Variants in NFASC observed in about 807,000 individuals in gnomAD.
The protein encoded by NFASC is neurofascin homolog.
A neutral mutation model predicts 147.5 loss-of-function variants in NFASC; 43 were observed. The ratio of observed to expected loss-of-function variants is 0.29; its 90% CI spans 0.23 to 0.38. NFASC has a LOEUF of 0.38. NFASC is among the 10% of genes least tolerant of loss of function. The probability of loss-of-function intolerance (pLI) is 1.00; values close to 1 mark genes in which losing one functional copy is unlikely to be tolerated. For synonymous variants in NFASC, 622 were observed against 665.5 expected (o/e 0.93, Z 1.01); for missense variants, 1,320 against 1,689.0 (o/e 0.78, Z 3.83).
chr1:204,955,104 A>G (rs2094365177), intron 7 of NFASC, among the ~76,000 whole-genome samples, 153 bp downstream of exon 7: 1 of 152,224 alleles, frequency 6.6e-6, no homozygotes, highest in African/African-American at 2.4e-5. Flanking sequence ...CAGGCTCTGC[A>G]GAGAGAGGCT....
intron 1 of NFASC, among the ~76,000 whole-genome samples, chr1:204,909,901 T>C (rs2086934189): frequency 6.6e-6 from 1 of 152,100 alleles, no homozygotes; most frequent in Non-Finnish European, 1.5e-5. Context: ...TATGTGTGTT[T>C]CTATTTTGGG....
chr1:204,974,939 T>G, intron 14 of NFASC, 116 bp downstream of exon 14: 1 of 1,126,596 alleles, frequency 8.9e-7, no homozygotes, highest in Admixed American at 2.0e-5. Flanking sequence ...TAACCTGGAG[T>G]GGGCTGCCCA....
Position 204,975,396 on chromosome 1 carries a change from G to C in NFASC, c.1684G>C (p.Glu562Gln). The change falls in exon 15 of 30, where the codon GAG becomes CAG. Residue 562 changes from glutamate (E) to glutamine (Q), a missense_variant. By Grantham distance (29) the Glu-to-Gln change is conservative. Coordinates refer to ENST00000339876, the MANE Select transcript of NFASC (RefSeq NM_001005388.3). This position sits in a 1 kb window ranked among gnomAD's most constrained non-coding sequence, Gnocchi z 4.0. Reference sequence around the variant, plus strand: ...CACCGTCTCCTGGCTGAAGGATGACGAGCCGCTCTATATTGGAAACAGGTT... The same window carrying C: ...CACCGTCTCCTGGCTGAAGGATGACCAGCCGCTCTATATTGGAAACAGGTT... ...KLTVSWLKDD[E>Q]PLYIGNRMKK... 6.2e-7 allele frequency: 1 copy of C among 1,614,026 alleles called. No individual in the cohort carries two copies. The highest frequency in any genetic ancestry group is 8.5e-7 in the Non-Finnish European group (1 of 1,179,916).
intron 1 of NFASC, among the ~76,000 whole-genome samples, chr1:204,879,454 G>A (rs1398069936): frequency 6.6e-6 from 1 of 152,196 alleles, no homozygotes; most frequent in African/African-American, 2.4e-5. Flanking sequence ...TGGAACCCAT[G>A]GACTTTGCTT....
At chr1:204,896,936 G>T (rs1002378821) in intron 1 of NFASC, among the ~76,000 whole-genome samples, 2 of 152,128 alleles carry the variant, frequency 1.3e-5, no homozygotes, top group Non-Finnish European at 2.9e-5. Flanking sequence ...GCTCAAGTCT[G>T]GCAGGAATTA....
chr1:205,000,947 G>A, intron 25 of NFASC: 1 of 580,700 alleles, frequency 1.7e-6, no homozygotes, highest in Non-Finnish European at 3.1e-6. Flanking sequence ...TCCCTGGACA[G>A]CGACCTCTGG....
intron 21 of NFASC, chr1:204,984,382 C>CATATAT (rs55787898): frequency 0.022 from 2,963 of 134,080 alleles, 50 homozygotes; most frequent in African/African-American, 0.04. Context: ...TATATATACG[C>CATATAT]ATATATATAT....
chr1:204,910,299 G>A (rs1301250223), intron 1 of NFASC, among the ~76,000 whole-genome samples: 2 of 151,886 alleles, frequency 1.3e-5, no homozygotes, highest in Admixed American at 6.6e-5. Context: ...TGCATGTTTT[G>A]TTCATTCTAT....
chr1:204,867,007 G>T (rs2077160407), intron 1 of NFASC, among the ~76,000 whole-genome samples: 1 of 152,088 alleles, frequency 6.6e-6, no homozygotes, highest in South Asian at 2.1e-4. Context: ...CTCCAGAGAT[G>T]GAGTAAAGGA....
At position 204,979,998 on chromosome 1, in the gene NFASC, A is replaced by C. The variant is rs1025032972; in HGVS notation, c.2177-372A>C. 7.3e-5 allele frequency among the ~76,000 whole-genome samples: 11 copies of C among 150,010 alleles called. No individual in the cohort carries two copies. Among genetic ancestry groups the C allele is most frequent in the South Asian group, 2.1e-4 (1 of 4,804 alleles). Reference sequence around the variant, plus strand: ...CTCATAGAGGGTAGAGATGCTGCCCAAAAAAAATGTTAAATGCCAGGGATA... The same window carrying C: ...CTCATAGAGGGTAGAGATGCTGCCCCAAAAAAATGTTAAATGCCAGGGATA... On this transcript the variant is annotated intron_variant, in intron 19 of 29. Coordinates refer to ENST00000339876, the MANE Select transcript of NFASC (RefSeq NM_001005388.3). This position sits in a 1 kb window ranked among gnomAD's most constrained non-coding sequence, Gnocchi z 6.0.
At position 204,997,307 on chromosome 1, in the gene NFASC, A is replaced by G. The variant is rs538031735; in HGVS notation, c.2920A>G (p.Thr974Ala). The G allele has an allele frequency of 4.4e-6, 7 of 1,595,260 alleles. No individual in the cohort carries two copies. Among genetic ancestry groups the G allele is most frequent in the African/African-American group, 1.3e-5 (1 of 74,308 alleles). ...PTVAPTTIAT[T>A]TTVATTTTTT... The stretch of plus-strand genomic sequence containing the variant: ...TGTCGCACCTACCACCATCGCCACC[A>G]CCACCACCGTCGCCACAACTACTAC... Residue 974 changes from threonine to alanine, a missense_variant, in exon 25 of 30, where the codon ACC (threonine) becomes GCC (alanine). Around this residue, in one of 3 missense-constraint regions of NFASC, gnomAD observed 172 missense variants for 165.8 expected, o/e 1.04. Transcript: ENST00000339876.
chr1:204,932,511 A>G (rs2092452051), intron 2 of NFASC, among the ~76,000 whole-genome samples: 1 of 152,150 alleles, frequency 6.6e-6, no homozygotes, highest in Admixed American at 6.5e-5. Flanking sequence ...CGTTTGCAAA[A>G]GGCATTTAAA....
chr1:204,989,038 C>G, intron 23 of NFASC: 1 of 571,680 alleles, frequency 1.7e-6, no homozygotes, highest in Non-Finnish European at 3.1e-6. Flanking sequence ...CCCCACTTGC[C>G]CTGACTTGCT....
At chr1:204,860,701 C>A (rs1029016666) in intron 1 of NFASC, among the ~76,000 whole-genome samples, 1 of 152,164 alleles carries the variant, frequency 6.6e-6, no homozygotes, top group Non-Finnish European at 1.5e-5. Context: ...ACTTTTATTA[C>A]CCCAAAAGGA....
At chr1:204,851,592 C>A (rs569791787) in intron 1 of NFASC, among the ~76,000 whole-genome samples, 1 of 152,170 alleles carries the variant, frequency 6.6e-6, no homozygotes, top group Non-Finnish European at 1.5e-5. Flanking sequence ...CTCAGCCTCC[C>A]AAAGCGCTGG....
intron 1 of NFASC, among the ~76,000 whole-genome samples, chr1:204,891,002 G>A (rs2082283751): frequency 1.3e-5 from 2 of 152,300 alleles, no homozygotes; most frequent in Admixed American, 6.5e-5. Flanking sequence ...AGCCAAGAAG[G>A]TATTACTTCA....
At chr1:204,842,132 A>C (rs1392215076) in intron 1 of NFASC, among the ~76,000 whole-genome samples, 1 of 152,180 alleles carries the variant, frequency 6.6e-6, no homozygotes, top group Non-Finnish European at 1.5e-5. Flanking sequence ...CAGACTGGAA[A>C]CTCAAGCCTG....
intron 2 of NFASC, among the ~76,000 whole-genome samples, chr1:204,926,603 G>GAAC: frequency 6.7e-6 from 1 of 149,136 alleles, no homozygotes; most frequent in East Asian, 2.0e-4. Flanking sequence ...TTATAGAGAT[G>GAAC]AAGTTTTGCC....
intron 2 of NFASC, among the ~76,000 whole-genome samples, chr1:204,941,548 G>C (rs984051028): frequency 5.9e-5 from 9 of 152,204 alleles, no homozygotes; most frequent in Admixed American, 3.3e-4. Flanking sequence ...GAGCCCGGAT[G>C]GGAGCCATCC....
Sources: gnomAD v4.1 joint callset for allele counts (sites outside exome capture counted in the v4.1 genomes callset) on GRCh38, gnomAD v4.1.1 for gene constraint, gnomAD v4.1.1 regional missense constraint, Gnocchi (gnomAD v3.1) non-coding constraint, MANE v1.5 for transcripts, NCBI Gene and HGNC (gene_info 2026-07-23, HGNC 2026-07-21) for gene names.